Variants in PDE7B observed in about 807,000 individuals in gnomAD.
PDE7B encodes 3',5'-cyclic-AMP phosphodiesterase 7B.
In PDE7B, 29 loss-of-function variants were observed where a neutral mutation model predicts 56.2. The ratio of observed to expected loss-of-function variants is 0.52; its 90% CI spans 0.38 to 0.70. The LOEUF (loss-of-function observed/expected upper bound fraction) is 0.70, where lower values mean the gene tolerates loss of function less well. Among genes scored for constraint, PDE7B ranks in the 30% least tolerant of loss-of-function variants. The pLI is 0.00. For synonymous variants in PDE7B, 197 were observed against 196.9 expected (o/e 1.00, Z 0.00); for missense variants, 490 against 565.0 (o/e 0.87, Z 1.35).
At chr6:136,139,474 G>T (rs886303319) in intron 3 of PDE7B, among the ~76,000 whole-genome samples, 1 of 152,074 alleles carries the variant, frequency 6.6e-6, no homozygotes, top group African/African-American at 2.4e-5. Flanking sequence ...TAATCCTTTG[G>T]GTATATACCC....
At chr6:135,968,714 G>A (rs1273475759) in intron 2 of PDE7B, among the ~76,000 whole-genome samples, 3 of 152,184 alleles carry the variant, frequency 2.0e-5, no homozygotes, top group Non-Finnish European at 4.4e-5. Flanking sequence ...CAGCCATTGA[G>A]GAAGACAGTG....
chr6:135,957,271 CT>C (rs752928409), intron 2 of PDE7B, among the ~76,000 whole-genome samples: 4 of 151,976 alleles, frequency 2.6e-5, no homozygotes, highest in Admixed American at 6.6e-5. Context: ...GCATACAGAA[CT>C]AGGTTAATTC....
chr6:135,871,603 G>A (rs1302614798), intron 1 of PDE7B, among the ~76,000 whole-genome samples: 1 of 152,166 alleles, frequency 6.6e-6, no homozygotes, highest in Non-Finnish European at 1.5e-5. Flanking sequence ...ATGTTGAATT[G>A]AGAAAAAGAA....
rs1554266514 is a variant in PDE7B, at chr6:135,916,394, T to TTTC, written c.22-31068_22-31067insCTT. Among the ~76,000 whole-genome samples the TTTC allele has an allele frequency of 3.4e-3, 465 of 138,540 alleles. 5 individuals are homozygous for TTTC. The highest frequency in any genetic ancestry group is 0.012 in the African/African-American group (456 of 37,536). 90.9% of individuals were successfully genotyped at this position (138,540 alleles called of 152,430 possible). A position where few individuals can be genotyped will look rare whatever the true frequency, so the allele number is the denominator to read the frequency against. On this transcript the variant is annotated intron_variant, in intron 1 of 12. Coordinates refer to ENST00000308191, the MANE Select transcript of PDE7B (RefSeq NM_018945.4). ...TTTTCTTTTCTTTTCTTTTCTTTCTTTTTTTTTTTTTTTTTTGAGATGGAG... is the reference window on the plus strand; with the variant it reads ...TTTTCTTTTCTTTTCTTTTCTTTCTTTTCTTTTTTTTTTTTTTTTGAGATGGAG...
chr6:136,005,370 A>G (rs1191696638), intron 2 of PDE7B, among the ~76,000 whole-genome samples: 6 of 152,150 alleles, frequency 3.9e-5, no homozygotes, highest in African/African-American at 1.2e-4. Context: ...TCATTAAACT[A>G]AAGAGCTTCT....
intron 2 of PDE7B, among the ~76,000 whole-genome samples, chr6:136,078,791 T>C (rs938688614): frequency 2.2e-4 from 33 of 152,136 alleles, no homozygotes; most frequent in African/African-American, 6.5e-4. Flanking sequence ...TTGAAAGATA[T>C]GCACTATACA....
At chr6:135,931,953 G>A (rs4896184) in intron 1 of PDE7B, among the ~76,000 whole-genome samples, 13,215 of 64,328 alleles carry the variant, frequency 0.21, 721 homozygotes, top group East Asian at 0.49. Context: ...ACACGCGCGC[G>A]CACACACACA....
At chr6:136,110,700 G>A (rs1359876576) in intron 3 of PDE7B, among the ~76,000 whole-genome samples, 1 of 150,288 alleles carries the variant, frequency 6.7e-6, no homozygotes, top group Non-Finnish European at 1.5e-5. Context: ...CTACATCATA[G>A]GATTCTGCAA....
At chr6:135,940,699 A>C (rs967889676) in intron 1 of PDE7B, among the ~76,000 whole-genome samples, 3 of 152,168 alleles carry the variant, frequency 2.0e-5, no homozygotes, top group Non-Finnish European at 4.4e-5. Context: ...ATGTTTGGAA[A>C]TGTCATCTCA....
chr6:136,100,703 G>T (rs1467173519), intron 2 of PDE7B, among the ~76,000 whole-genome samples: 1 of 152,188 alleles, frequency 6.6e-6, no homozygotes, highest in Non-Finnish European at 1.5e-5. Context: ...ATGCTATCAT[G>T]TCATCTGCAA....
intron 1 of PDE7B, among the ~76,000 whole-genome samples, chr6:135,857,044 CCCTCCCTCCCTTCCTT>C (rs1321146482): frequency 9.9e-5 from 6 of 60,912 alleles, no homozygotes; most frequent in African/African-American, 2.5e-4. Context: ...CTCCCTCCCT[CCCTCCCTCCCTTCCTT>C]CCTCCCTTCC....
chr6:135,883,710 G>T (rs1289568036), intron 1 of PDE7B, among the ~76,000 whole-genome samples: 1 of 152,092 alleles, frequency 6.6e-6, no homozygotes, highest in African/African-American at 2.4e-5. Context: ...CTTTCAATTT[G>T]GGTCAAAATA....
intron 1 of PDE7B, among the ~76,000 whole-genome samples, chr6:135,853,702 A>G (rs189871357): frequency 6.6e-6 from 1 of 152,256 alleles, no homozygotes; most frequent in East Asian, 1.9e-4. Flanking sequence ...TGGTGACTAT[A>G]TGTCAGCAAA....
intron 2 of PDE7B, among the ~76,000 whole-genome samples, chr6:135,992,632 C>T (rs1447109153): frequency 6.6e-6 from 1 of 151,982 alleles, no homozygotes. Flanking sequence ...CTTAATTGTT[C>T]CCTGTAGCTA....
chr6:136,041,755 T>G (rs1295201875), intron 2 of PDE7B, among the ~76,000 whole-genome samples: 1 of 152,244 alleles, frequency 6.6e-6, no homozygotes, highest in Non-Finnish European at 1.5e-5. Flanking sequence ...ACTCACATCT[T>G]TTTCCCTTTA....
At chr6:136,045,074 A>G (rs1182005627) in intron 2 of PDE7B, 1 of 150,676 alleles carries the variant, frequency 6.6e-6, no homozygotes. Flanking sequence ...TTTTTAACTC[A>G]CGAAAGTAAC....
At chr6:135,867,192 T>G (rs1258475438) in intron 1 of PDE7B, among the ~76,000 whole-genome samples, 1 of 152,180 alleles carries the variant, frequency 6.6e-6, no homozygotes, top group African/African-American at 2.4e-5. Context: ...GTAAACAGTT[T>G]TAAAACTGTG....
intron 2 of PDE7B, among the ~76,000 whole-genome samples, chr6:136,043,355 A>G (rs1324251201): frequency 6.6e-6 from 1 of 152,036 alleles, no homozygotes; most frequent in African/African-American, 2.4e-5. Context: ...CAGCTCCCCA[A>G]TTCCCACTAG....
chr6:135,871,161 C>T (rs1297219727), intron 1 of PDE7B, among the ~76,000 whole-genome samples: 1 of 152,210 alleles, frequency 6.6e-6, no homozygotes, highest in Non-Finnish European at 1.5e-5. Context: ...AGTGCAATCA[C>T]AGTTATATGT....
Sources: allele counts gnomAD v4.1 joint callset (sites outside exome capture counted in the v4.1 genomes callset), GRCh38; gene constraint gnomAD v4.1.1; transcripts MANE v1.5; gene names NCBI Gene and HGNC (gene_info 2026-07-23, HGNC 2026-07-21).